ERBB4: variants seen among roughly 807,000 people sequenced by gnomAD.
ERBB4 encodes receptor tyrosine-protein kinase erbB-4.
In ERBB4, 42 loss-of-function variants were observed where a neutral mutation model predicts 158.0. That is an observed-to-expected ratio of 0.27 (90% CI 0.21 to 0.34). The LOEUF (loss-of-function observed/expected upper bound fraction) is 0.34. Among genes scored for constraint, ERBB4 ranks in the 10% least tolerant of loss-of-function variants. ERBB4 has a pLI of 1.00. For synonymous variants in ERBB4, 583 were observed against 558.7 expected, an observed-to-expected ratio of 1.04 and a Z score of -0.61; for missense variants, 1,333 against 1,624.1, an observed-to-expected ratio of 0.82 and a Z score of 3.08.
chr2:211,419,866 TTTCAGAAAC>T (rs2063478193), intron 25 of ERBB4, among the ~76,000 whole-genome samples: 1 of 152,086 alleles, frequency 6.6e-6, no homozygotes. Flanking sequence ...TGTAAAGTGT[TTTCAGAAAC>T]TTCCTTCAAA....
At chr2:212,537,130 G>A (rs1434888006) in intron 1 of ERBB4, among the ~76,000 whole-genome samples, 1 of 126,416 alleles carries the variant, frequency 7.9e-6, no homozygotes, top group Non-Finnish European at 1.6e-5. Flanking sequence ...ACTAGGCAAA[G>A]GAGGCGGCGG....
At chr2:211,756,220 A>G (rs1000353342) in intron 4 of ERBB4, among the ~76,000 whole-genome samples, 3 of 152,162 alleles carry the variant, frequency 2.0e-5, no homozygotes, top group Non-Finnish European at 4.4e-5. Context: ...TGACCATAAT[A>G]TTTGCGAAAA....
chr2:212,019,358 C>G (rs181472014), intron 2 of ERBB4, among the ~76,000 whole-genome samples: 1 of 151,940 alleles, frequency 6.6e-6, no homozygotes, highest in Non-Finnish European at 1.5e-5. Flanking sequence ...CATAATCTGC[C>G]GTTTTTAATT....
intron 3 of ERBB4, among the ~76,000 whole-genome samples, chr2:211,848,696 A>G (rs927472765): frequency 6.6e-6 from 1 of 152,100 alleles, no homozygotes; most frequent in African/African-American, 2.4e-5. Context: ...CTATGCAGGG[A>G]AGAATCCAAT....
chr2:212,219,672 G>A (rs2083225752), intron 1 of ERBB4, among the ~76,000 whole-genome samples: 1 of 151,102 alleles, frequency 6.6e-6, no homozygotes, highest in Non-Finnish European at 1.5e-5. Context: ...AAGAGCCAAT[G>A]GACAACTACA....
At chr2:212,083,641 C>G (rs191879713) in intron 2 of ERBB4, among the ~76,000 whole-genome samples, 2 of 151,564 alleles carry the variant, frequency 1.3e-5, no homozygotes, top group African/African-American at 4.8e-5. Flanking sequence ...ACCCCTCCCC[C>G]CCAAAAAAAA....
At position 211,913,036 on chromosome 2, in the gene ERBB4, G is replaced by T. The variant is rs373342251; in HGVS notation, c.421+34394C>A. ...AACATTCTGTTTATAACCTCAAGAT[G>T]GTATATAAGCTTCTGTACCTCATAA... On this transcript the variant is annotated intron_variant, in intron 3 of 27. Coordinates refer to ENST00000342788, the MANE Select transcript of ERBB4 (RefSeq NM_005235.3). 3.9e-4 allele frequency among the ~76,000 whole-genome samples: 59 copies of T among 152,116 alleles called. No homozygotes were observed. The East Asian group carries it at 7.4e-3, about 19-fold the overall frequency.
intron 20 of ERBB4, among the ~76,000 whole-genome samples, chr2:211,435,623 G>C (rs749918095): frequency 6.6e-6 from 1 of 152,160 alleles, no homozygotes; most frequent in Non-Finnish European, 1.5e-5. Flanking sequence ...GGCAGCATTA[G>C]ATTCTCGTAG....
At chr2:212,444,416 T>C (rs563984584) in intron 1 of ERBB4, among the ~76,000 whole-genome samples, 20 of 152,278 alleles carry the variant, frequency 1.3e-4, no homozygotes, top group Admixed American at 6.5e-4. Context: ...TTTGGCTGGA[T>C]TGTCAGGGAC....
chr2:211,681,702 TATTG>T (rs1326191637), intron 12 of ERBB4, among the ~76,000 whole-genome samples: 3 of 152,186 alleles, frequency 2.0e-5, no homozygotes, highest in African/African-American at 2.4e-5. Context: ...TTTTAAATTG[TATTG>T]ATTGTTTCTT....
intron 20 of ERBB4, among the ~76,000 whole-genome samples, chr2:211,454,842 C>G (rs531887225): frequency 6.6e-6 from 1 of 152,198 alleles, no homozygotes; most frequent in Non-Finnish European, 1.5e-5. Flanking sequence ...CTGTGGCCAA[C>G]TCTCATTTGG....
At chr2:211,982,914 T>C (rs549031510) in intron 2 of ERBB4, among the ~76,000 whole-genome samples, 168 of 152,372 alleles carry the variant, frequency 1.1e-3, no homozygotes, top group Non-Finnish European at 1.9e-3. Context: ...TTATTGTCTA[T>C]GTATGTCTAT....
intron 16 of ERBB4, among the ~76,000 whole-genome samples, chr2:211,654,422 C>T (rs1435177658): frequency 4.6e-5 from 7 of 152,158 alleles, no homozygotes; most frequent in Admixed American, 1.3e-4. Context: ...TTAACTATTG[C>T]TATGAATTAT....
intron 3 of ERBB4, among the ~76,000 whole-genome samples, chr2:211,790,364 G>A (rs1323160137): frequency 6.6e-6 from 1 of 151,906 alleles, no homozygotes; most frequent in Non-Finnish European, 1.5e-5. Flanking sequence ...TGCAGAAAGA[G>A]TGTATATTTT....
intron 4 of ERBB4, among the ~76,000 whole-genome samples, chr2:211,754,998 G>C (rs72948509): frequency 0.056 from 8,455 of 152,204 alleles, 369 homozygotes; most frequent in Non-Finnish European, 0.086. Flanking sequence ...ACTGCGCCCG[G>C]CCTGCTATAA....
At chr2:211,803,036 C>T (rs2076535149) in intron 3 of ERBB4, among the ~76,000 whole-genome samples, 1 of 152,164 alleles carries the variant, frequency 6.6e-6, no homozygotes, top group South Asian at 2.1e-4. Context: ...TCCTTTCACA[C>T]AATGTAGACA....
At chr2:212,390,619 A>G (rs1045320627) in intron 1 of ERBB4, among the ~76,000 whole-genome samples, 3 of 151,884 alleles carry the variant, frequency 2.0e-5, no homozygotes, top group Non-Finnish European at 4.4e-5. Context: ...ACAAAATGTA[A>G]TTCACTGAAA....
At chr2:211,574,376 A>G (rs576351165) in intron 19 of ERBB4, among the ~76,000 whole-genome samples, 144 of 152,354 alleles carry the variant, frequency 9.5e-4, no homozygotes, top group Non-Finnish European at 1.3e-3. Context: ...GAGAACTTCA[A>G]AGACTACATA....
intron 1 of ERBB4, among the ~76,000 whole-genome samples, chr2:212,501,843 G>T (rs1447121339): frequency 6.6e-6 from 1 of 151,960 alleles, no homozygotes; most frequent in Non-Finnish European, 1.5e-5. Flanking sequence ...CAATTAAGAT[G>T]AAGAAAGCCA....
Sources: gnomAD v4.1 joint callset for allele counts (sites outside exome capture counted in the v4.1 genomes callset) on GRCh38, gnomAD v4.1.1 for gene constraint, MANE v1.5 for transcripts, NCBI Gene and HGNC (gene_info 2026-07-23, HGNC 2026-07-21) for gene names.